Variants in ERI1 observed in about 807,000 individuals in gnomAD.
ERI1 encodes exoribonuclease 1, also known as 3'-5' exoribonuclease 1.
ERI1 carries 39 observed loss-of-function variants against 39.7 expected under a neutral mutation model. The observed-to-expected ratio is 0.98, with a 90% confidence interval of 0.76 to 1.28. The LOEUF (loss-of-function observed/expected upper bound fraction) is 1.28. ERI1 is among the 50% of genes most tolerant of loss of function. ERI1 has a pLI of 0.00. For missense variants in ERI1, 581 were observed against 416.9 expected, an observed-to-expected ratio of 1.39 and a Z score of -3.43; for synonymous variants, 204 against 149.6, an observed-to-expected ratio of 1.36 and a Z score of -2.65.
intron 5 of ERI1, among the ~76,000 whole-genome samples, chr8:9,019,249 A>T (rs985671533): frequency 6.6e-6 from 1 of 152,190 alleles, no homozygotes; most frequent in Non-Finnish European, 1.5e-5. Context: ...AACGTCCTAA[A>T]CAACTTCTGT....
At chr8:9,076,500 C>T (rs1260212542) in intron 3 of ERI1, among the ~76,000 whole-genome samples, 1 of 152,116 alleles carries the variant, frequency 6.6e-6, no homozygotes, top group African/African-American at 2.4e-5. Flanking sequence ...CTCATCTGGG[C>T]CTTGAACTTG....
intron 3 of ERI1, among the ~76,000 whole-genome samples, chr8:9,098,773 A>G (rs1300225539): frequency 1.3e-5 from 2 of 152,204 alleles, no homozygotes; most frequent in Non-Finnish European, 2.9e-5. Context: ...AAACAGCCTT[A>G]TTGAGGTATA....
intron 5 of ERI1, 58 bp from the exon 6 acceptor site, chr8:9,020,292 T>C (rs777459163): frequency 4.4e-5 from 38 of 856,702 alleles, no homozygotes; most frequent in Non-Finnish European, 5.1e-5. Flanking sequence ...AAAATACTCA[T>C]TTGTAAGAAT....
chr8:9,089,592 G>A (rs533431752), intron 3 of ERI1, among the ~76,000 whole-genome samples: 4 of 152,330 alleles, frequency 2.6e-5, no homozygotes, highest in African/African-American at 9.6e-5. Flanking sequence ...CTGGCTCTGA[G>A]TGGAGACTCC....
At chr8:9,028,981 T>G (rs1290951319) in intron 6 of ERI1, among the ~76,000 whole-genome samples, 4 of 149,996 alleles carry the variant, frequency 2.7e-5, no homozygotes, top group African/African-American at 7.4e-5. Flanking sequence ...GAGTTTTTTT[T>G]TTTTTTTTTT....
intron 3 of ERI1, among the ~76,000 whole-genome samples, chr8:9,076,221 G>A (rs1799208206): frequency 6.6e-6 from 1 of 152,176 alleles, no homozygotes; most frequent in African/African-American, 2.4e-5. Context: ...TGGGATTACA[G>A]GTGTGAGCCA....
chr8:9,045,062 CCT>C (rs1201135643), intron 3 of ERI1, among the ~76,000 whole-genome samples: 3 of 151,754 alleles, frequency 2.0e-5, no homozygotes, highest in African/African-American at 7.3e-5. Flanking sequence ...ACGGTGAAAC[CCT>C]GTCTCTACAA....
intron 1 of ERI1, chr8:9,004,062 T>G: frequency 7.8e-7 from 1 of 1,288,926 alleles, no homozygotes; most frequent in Non-Finnish European, 1.0e-6. Context: ...GTTTTTTCCC[T>G]TTTGTTCCCA....
At chr8:9,011,277 G>C (rs1021945159) in intron 2 of ERI1, among the ~76,000 whole-genome samples, 7 of 152,130 alleles carry the variant, frequency 4.6e-5, no homozygotes, top group African/African-American at 1.7e-4. Context: ...TGAAGTACCA[G>C]TATATGTTGG....
chr8:9,054,408 A>T (rs890308690), intron 3 of ERI1, among the ~76,000 whole-genome samples: 1 of 152,084 alleles, frequency 6.6e-6, no homozygotes, highest in Non-Finnish European at 1.5e-5. Context: ...TTCTTTATGT[A>T]ATTGGAGTGA....
At chr8:9,080,326 T>C (rs942701604) in intron 3 of ERI1, among the ~76,000 whole-genome samples, 1 of 152,236 alleles carries the variant, frequency 6.6e-6, no homozygotes. Context: ...TGTGCCCTGC[T>C]AGTGTCTAGG....
intron 3 of ERI1, among the ~76,000 whole-genome samples, chr8:9,063,436 C>T (rs112630430): frequency 3.7e-4 from 56 of 152,044 alleles, no homozygotes; most frequent in South Asian, 6.2e-4. Flanking sequence ...TAAGCCAGAC[C>T]GGGTGTGAGG....
chr8:9,072,643 T>A (rs1319843561), intron 3 of ERI1: 1 of 152,166 alleles, frequency 6.6e-6, no homozygotes, highest in African/African-American at 2.4e-5. Context: ...AAAAAAATCT[T>A]TGAAGCCTTC....
chr8:9,020,540 A>T lies in ERI1; in HGVS notation c.807+76A>T, dbSNP rs1007361589. 1.8e-5 allele frequency: 16 copies of T among 886,744 alleles called. No homozygotes were observed. In the African/African-American group the frequency reaches 2.6e-4, roughly 15 times the overall value. The allele number at this position is 886,744 out of a possible 1,614,324, so 54.9% of individuals were successfully genotyped here. On this transcript the variant is annotated intron_variant, in intron 6 of 6. Transcript: ENST00000250263. ...AAAATTTGCATGTACGTTAGATTGT[A>T]ATTTTCCAGGTGTTTTTCATGGAAA...
At chr8:9,062,759 C>G (rs4841093) in intron 3 of ERI1, 58,552 of 148,566 alleles carry the variant, frequency 0.39, 13,854 homozygotes, top group East Asian at 0.68. Flanking sequence ...GGCCAGAGTT[C>G]CAGGGGCTCT....
At position 9,076,133 on chromosome 8, in the gene ERI1, C is replaced by T. The variant is rs542315559; in HGVS notation, n.300-40215C>T. The stretch of plus-strand genomic sequence containing the variant: ...TGCTGCTGTTGTTGTTTTGTAGAGA[C>T]GAGGGCTCACTTATTGCCCAAGCTG... On this transcript the variant is annotated intron_variant and non_coding_transcript_variant, in intron 3 of 3. Coordinates refer to the ERI1 transcript ENST00000518663. Among the ~76,000 whole-genome samples, 65 of 152,192 alleles carry T rather than the reference C, an allele frequency of 4.3e-4. 1 individual carries two copies. Among genetic ancestry groups the T allele is most frequent in the South Asian group, 3.1e-3 (15 of 4,824 alleles).
At chr8:9,033,369 C>G (rs115202895), downstream of ERI1, 133 of 152,328 alleles carry the variant, frequency 8.7e-4, 1 homozygote, top group African/African-American at 3.1e-3. Context: ...CATGTCATCT[C>G]TGACCACTTT....
chr8:9,025,379 C>T (rs748966847), intron 6 of ERI1, among the ~76,000 whole-genome samples: 6 of 152,210 alleles, frequency 3.9e-5, no homozygotes, highest in African/African-American at 7.2e-5. Context: ...TGAAGTCAAA[C>T]ATTTTCTCCA....
intron 5 of ERI1, among the ~76,000 whole-genome samples, 191 bp downstream of exon 5, chr8:9,018,597 G>T (rs1375461582): frequency 6.6e-6 from 1 of 152,242 alleles, no homozygotes; most frequent in Non-Finnish European, 1.5e-5. Flanking sequence ...GTCCAATACA[G>T]GACTAGAACA....
Sources: allele counts gnomAD v4.1 joint callset (sites outside exome capture counted in the v4.1 genomes callset), GRCh38; gene constraint gnomAD v4.1.1; transcripts MANE v1.5; gene names NCBI Gene and HGNC (gene_info 2026-07-23, HGNC 2026-07-21).